Variants in PPARGC1A observed in about 807,000 individuals in gnomAD.
The protein encoded by PPARGC1A is PPARG coactivator 1 alpha, also known as peroxisome proliferator-activated receptor gamma coactivator 1-alpha.
A neutral mutation model predicts 88.7 loss-of-function variants in PPARGC1A; 25 were observed. That is an observed-to-expected ratio of 0.28 (90% CI 0.21 to 0.39). The LOEUF (loss-of-function observed/expected upper bound fraction) is 0.39, where lower values mean the gene tolerates loss of function less well. PPARGC1A is among the 10% of genes least tolerant of loss of function. The pLI, the probability that PPARGC1A is intolerant of heterozygous loss-of-function variation, is 1.00. For synonymous variants in PPARGC1A, 363 were observed against 355.6 expected (o/e 1.02, Z -0.24); for missense variants, 880 against 968.7 (o/e 0.91, Z 1.22).
At chr4:23,952,092 A>T in the PPARGC1A span, among the ~76,000 whole-genome samples, 1 of 152,122 alleles carries the variant, frequency 6.6e-6, no homozygotes. Context: ...AGTCTGGAGT[A>T]CAACTTTAAA....
intron 2 of PPARGC1A, among the ~76,000 whole-genome samples, chr4:23,851,860 C>T (rs1035149139): frequency 1.3e-4 from 20 of 152,168 alleles, no homozygotes; most frequent in Non-Finnish European, 2.6e-4. Flanking sequence ...ATTAAGTATA[C>T]TACATCCAGT....
chr4:24,278,214 T>TA, the PPARGC1A span, among the ~76,000 whole-genome samples: 1 of 151,992 alleles, frequency 6.6e-6, no homozygotes, highest in Non-Finnish European at 1.5e-5. Flanking sequence ...ACGAAAAATT[T>TA]AAAAAAGACA....
At chr4:24,379,163 C>T in the PPARGC1A span, among the ~76,000 whole-genome samples, 5 of 151,976 alleles carry the variant, frequency 3.3e-5, no homozygotes, top group African/African-American at 4.8e-5. Context: ...AATAAATTAT[C>T]GCATGTCTAT....
chr4:24,116,167 T>G, the PPARGC1A span, among the ~76,000 whole-genome samples: 1 of 152,204 alleles, frequency 6.6e-6, no homozygotes, highest in Non-Finnish European at 1.5e-5. Context: ...GTATATACGA[T>G]TTTTGTTTAT....
chr4:24,062,593 G>A, the PPARGC1A span, among the ~76,000 whole-genome samples: 1 of 152,164 alleles, frequency 6.6e-6, no homozygotes, highest in Non-Finnish European at 1.5e-5. Flanking sequence ...CCCAGTGGTA[G>A]GGCAGAAGCA....
intron 2 of PPARGC1A, among the ~76,000 whole-genome samples, chr4:23,844,011 A>T (rs1303026082): frequency 6.6e-6 from 1 of 151,468 alleles, no homozygotes; most frequent in African/African-American, 2.4e-5. Context: ...GCGTATTTAC[A>T]AATATTATAT....
At chr4:24,337,589 G>A in the PPARGC1A span, among the ~76,000 whole-genome samples, 8 of 151,134 alleles carry the variant, frequency 5.3e-5, no homozygotes, top group Non-Finnish European at 8.8e-5. Flanking sequence ...GTCCCTAGGT[G>A]ACATCATAAC....
At chr4:24,020,199 C>T in the PPARGC1A span, among the ~76,000 whole-genome samples, 3 of 152,138 alleles carry the variant, frequency 2.0e-5, no homozygotes, top group Non-Finnish European at 2.9e-5. Context: ...GTTTCTAAAA[C>T]CTATTGTTCA....
the PPARGC1A span, among the ~76,000 whole-genome samples, chr4:23,962,599 A>G: frequency 6.6e-6 from 1 of 152,130 alleles, no homozygotes; most frequent in Non-Finnish European, 1.5e-5. Flanking sequence ...CCAGGAAGAT[A>G]TTTGTCTATG....
chr4:23,958,483 T>C, the PPARGC1A span, among the ~76,000 whole-genome samples: 12 of 152,152 alleles, frequency 7.9e-5, no homozygotes, highest in Non-Finnish European at 1.5e-4. Flanking sequence ...TTTCTTTATG[T>C]TTTCTAAAAC....
At chr4:24,190,419 G>A in the PPARGC1A span, among the ~76,000 whole-genome samples, 1 of 152,132 alleles carries the variant, frequency 6.6e-6, no homozygotes, top group African/African-American at 2.4e-5. Context: ...GGAAGCTGAG[G>A]CAGGAGAATG....
At chr4:24,386,139 A>G in the PPARGC1A span, among the ~76,000 whole-genome samples, 3 of 152,148 alleles carry the variant, frequency 2.0e-5, no homozygotes, top group African/African-American at 7.2e-5. Flanking sequence ...CAATGAAAAA[A>G]CCACATGATT....
the PPARGC1A span, among the ~76,000 whole-genome samples, chr4:24,097,012 T>C: frequency 4.6e-5 from 7 of 152,154 alleles, no homozygotes; most frequent in Non-Finnish European, 7.3e-5. Flanking sequence ...GAGGATTGCT[T>C]GAGCCTAAGA....
At chr4:24,402,783 C>T in the PPARGC1A span, among the ~76,000 whole-genome samples, 6 of 152,212 alleles carry the variant, frequency 3.9e-5, no homozygotes, top group Admixed American at 1.3e-4. Context: ...TCACCAAGCA[C>T]CTTGAGGCTG....
At chr4:24,019,669 G>C in the PPARGC1A span, among the ~76,000 whole-genome samples, 1 of 152,148 alleles carries the variant, frequency 6.6e-6, no homozygotes, top group African/African-American at 2.4e-5. Flanking sequence ...CTGCCTTTAA[G>C]TTAGCTTTAA....
the PPARGC1A span, among the ~76,000 whole-genome samples, chr4:23,937,410 T>G: frequency 6.6e-6 from 1 of 152,050 alleles, no homozygotes; most frequent in Non-Finnish European, 1.5e-5. Flanking sequence ...AAAGTAAAAC[T>G]TGGCACTAAG....
Position 23,818,789 on chromosome 4 carries a change from T to C in PPARGC1A, c.878-4184A>G, listed in dbSNP as rs182759630. Among the ~76,000 whole-genome samples the C allele has an allele frequency of 2.3e-3, 346 of 148,448 alleles. 1 individual carries two copies. The highest frequency in any genetic ancestry group is 8.2e-3 in the African/African-American group (334 of 40,690). ...TGTTTAATTGAATGACTCTGATAAA[T>C]GGTGAGTCCCTGGCTCTGTTTCTTG... On this transcript the variant is annotated intron_variant, in intron 7 of 12. Transcript: ENST00000264867.
At chr4:24,296,961 A>G in the PPARGC1A span, among the ~76,000 whole-genome samples, 2 of 152,162 alleles carry the variant, frequency 1.3e-5, no homozygotes, top group African/African-American at 4.8e-5. Context: ...GACGATGTGC[A>G]GAGGACTGTG....
At chr4:23,960,546 CA>C in the PPARGC1A span, among the ~76,000 whole-genome samples, 1 of 114,452 alleles carries the variant, frequency 8.7e-6, no homozygotes, top group South Asian at 3.0e-4. Context: ...CCTACTTGGG[CA>C]AGACTTGGGC....
Sources: gnomAD v4.1 joint callset for allele counts (sites outside exome capture counted in the v4.1 genomes callset) on GRCh38, gnomAD v4.1.1 for gene constraint, MANE v1.5 for transcripts, NCBI Gene and HGNC (gene_info 2026-07-23, HGNC 2026-07-21) for gene names.